TCERG1L: variants seen among roughly 807,000 people sequenced by gnomAD.
The protein encoded by TCERG1L is transcription elongation regulator 1-like protein.
A neutral mutation model predicts 56.3 loss-of-function variants in TCERG1L; 37 were observed. That is an observed-to-expected ratio of 0.66 (90% CI 0.51 to 0.87). The LOEUF is 0.87. Among genes scored for constraint, TCERG1L ranks in the 40% least tolerant of loss-of-function variants. The probability of loss-of-function intolerance (pLI) is 0.00; values close to 1 mark genes in which losing one functional copy is unlikely to be tolerated. For missense variants in TCERG1L, 799 were observed against 774.2 expected (o/e 1.03, Z -0.38); for synonymous variants, 324 against 326.3 (o/e 0.99, Z 0.08).
intron 4 of TCERG1L, among the ~76,000 whole-genome samples, chr10:131,255,468 G>A (rs561932653): frequency 3.9e-5 from 6 of 152,348 alleles, no homozygotes; most frequent in African/African-American, 1.2e-4. Context: ...ACATCTTCAG[G>A]GGAGCAGTGA....
intron 8 of TCERG1L, among the ~76,000 whole-genome samples, chr10:131,132,174 G>C (rs987591251): frequency 1.3e-4 from 20 of 152,278 alleles, no homozygotes; most frequent in African/African-American, 4.6e-4. Context: ...GAATGAATGC[G>C]CAGGACGGGA....
intron 6 of TCERG1L, among the ~76,000 whole-genome samples, chr10:131,156,920 C>T (rs964537416): frequency 2.6e-5 from 4 of 152,258 alleles, no homozygotes; most frequent in African/African-American, 4.8e-5. Flanking sequence ...TTTTTTAACT[C>T]GGTGTGTTGT....
At chr10:131,291,519 C>T (rs947152104) in intron 3 of TCERG1L, among the ~76,000 whole-genome samples, 1 of 142,296 alleles carries the variant, frequency 7.0e-6, no homozygotes, top group Non-Finnish European at 1.5e-5. Flanking sequence ...CTCCGCCTCC[C>T]AGGTTCATGC....
intron 6 of TCERG1L, among the ~76,000 whole-genome samples, chr10:131,160,071 C>T (rs1455046655): frequency 6.6e-6 from 1 of 152,142 alleles, no homozygotes; most frequent in Non-Finnish European, 1.5e-5. Flanking sequence ...CCACCTCTCC[C>T]TCCCTCTATG....
chr10:131,122,099 G>A (rs577329346), intron 8 of TCERG1L, among the ~76,000 whole-genome samples: 3 of 152,234 alleles, frequency 2.0e-5, no homozygotes, highest in Admixed American at 6.5e-5. Context: ...GGTTTGCTGG[G>A]AAGAGTGGAT....
chr10:131,126,427 G>GA (rs1228259896), intron 8 of TCERG1L, among the ~76,000 whole-genome samples: 5 of 152,206 alleles, frequency 3.3e-5, no homozygotes, highest in African/African-American at 1.2e-4. Context: ...CTCAGAAGGT[G>GA]AAACACCTGC....
In TCERG1L at chr10:131,116,859, C is replaced by CTTTG. The variant is rs1391894105; in HGVS notation, c.1334_1335insCAAA (p.Gln445HisfsTer39). ...CACGCTCCTCCAGAGGCAGGAGGAT[C>CTTTG]TGCGGGGGCGGCGTCCTTGTGCCTT... On this transcript the variant is annotated frameshift_variant, in exon 9 of 12. Transcript: ENST00000368642. LOFTEE classifies it high-confidence loss of function. 5 of 1,587,950 alleles carry CTTTG rather than the reference C, an allele frequency of 3.1e-6. No homozygotes were observed. In the South Asian group the frequency reaches 5.7e-5, roughly 18 times the overall value.
At chr10:131,094,168 A>G (rs1845217089) in intron 11 of TCERG1L, among the ~76,000 whole-genome samples, 1 of 152,200 alleles carries the variant, frequency 6.6e-6, no homozygotes, top group Admixed American at 6.5e-5. Flanking sequence ...CTGTTCTCTT[A>G]GCCTTGAACT....
intron 11 of TCERG1L, among the ~76,000 whole-genome samples, chr10:131,096,058 C>T (rs752545405): frequency 2.0e-5 from 3 of 152,238 alleles, no homozygotes; most frequent in Non-Finnish European, 4.4e-5. Context: ...GGAGCTCCTC[C>T]TGCCTGCCAG....
At chr10:131,272,898 G>A (rs1240268620) in intron 3 of TCERG1L, among the ~76,000 whole-genome samples, 2 of 152,210 alleles carry the variant, frequency 1.3e-5, no homozygotes, top group African/African-American at 4.8e-5. Context: ...TGGGGAGAGT[G>A]TTGTTTAGAG....
In TCERG1L at chr10:131,260,939, A is replaced by G. The variant is rs1429923425; in HGVS notation, c.671-495T>C. On this transcript the variant is annotated intron_variant, in intron 3 of 11. Transcript: ENST00000368642. This position sits in a 1 kb window ranked among gnomAD's most constrained non-coding sequence, Gnocchi z 5.8. ...GACACCAGGCTCAGCTGGGCCCTGC[A>G]GGGAGAGGGCGGAGAGGTTTCCAGA... 6.6e-6 allele frequency among the ~76,000 whole-genome samples: 1 copy of G among 152,008 alleles called. No individual in the cohort carries two copies. Among genetic ancestry groups the G allele is most frequent in the Non-Finnish European group, 1.5e-5 (1 of 68,002 alleles).
intron 4 of TCERG1L, among the ~76,000 whole-genome samples, chr10:131,172,495 G>A (rs1390140684): frequency 6.6e-6 from 1 of 152,272 alleles, no homozygotes; most frequent in Non-Finnish European, 1.5e-5. Context: ...CACCACCCCT[G>A]AGGCTGGAGG....
intron 4 of TCERG1L, among the ~76,000 whole-genome samples, chr10:131,234,902 T>C (rs368140754): frequency 1.2e-3 from 190 of 152,258 alleles, no homozygotes; most frequent in African/African-American, 4.4e-3. Flanking sequence ...AAGGGTTTCA[T>C]CATGTTGGCC....
At chr10:131,205,328 T>TA (rs1270502956) in intron 4 of TCERG1L, among the ~76,000 whole-genome samples, 1 of 149,202 alleles carries the variant, frequency 6.7e-6, no homozygotes, top group Non-Finnish European at 1.5e-5. Context: ...AATGTGAAGC[T>TA]ATGAAACCTA....
At chr10:131,251,305 C>A (rs1374382278) in intron 4 of TCERG1L, among the ~76,000 whole-genome samples, 1 of 151,214 alleles carries the variant, frequency 6.6e-6, no homozygotes, top group Non-Finnish European at 1.5e-5. Context: ...TCTGCCCCCT[C>A]CCCCCGGCCC....
intron 4 of TCERG1L, among the ~76,000 whole-genome samples, chr10:131,244,534 G>T (rs1233572980): frequency 2.0e-5 from 3 of 152,164 alleles, no homozygotes; most frequent in Non-Finnish European, 4.4e-5. Context: ...TGCCCCCATG[G>T]TTGAGGTGGA....
chr10:131,230,138 C>T (rs1845833291), intron 4 of TCERG1L, among the ~76,000 whole-genome samples: 2 of 152,328 alleles, frequency 1.3e-5, no homozygotes, highest in South Asian at 4.1e-4. Context: ...AGCCCGGCTC[C>T]AGCAGGTGTC....
intron 3 of TCERG1L, among the ~76,000 whole-genome samples, chr10:131,271,208 C>T (rs61861241): frequency 0.01 from 1,576 of 151,206 alleles, 21 homozygotes; most frequent in Middle Eastern, 0.017. Context: ...TGGCTTTTCC[C>T]GGGACTCAGT....
intron 4 of TCERG1L, among the ~76,000 whole-genome samples, chr10:131,224,043 T>C (rs1845764489): frequency 6.6e-6 from 1 of 152,040 alleles, no homozygotes; most frequent in South Asian, 2.1e-4. Flanking sequence ...TCACTGTCAC[T>C]TCCAACCGTT....
Sources: allele counts gnomAD v4.1 joint callset (sites outside exome capture counted in the v4.1 genomes callset), GRCh38; gene constraint gnomAD v4.1.1; non-coding constraint Gnocchi (gnomAD v3.1); transcripts MANE v1.5; gene names NCBI Gene and HGNC (gene_info 2026-07-23, HGNC 2026-07-21).